Variants in SLIT2 observed in about 807,000 individuals in gnomAD.
SLIT2 encodes the protein slit guidance ligand 2.
In SLIT2, 41 loss-of-function variants were observed where a neutral mutation model predicts 185.7. The observed-to-expected ratio is 0.22, with a 90% CI of 0.17 to 0.29. SLIT2 has a LOEUF of 0.29. Ranked by LOEUF, SLIT2 falls within the 10% of genes least tolerant of loss-of-function variation. The pLI, the probability that SLIT2 is intolerant of heterozygous loss-of-function variation, is 1.00. For synonymous variants in SLIT2, 693 were observed against 680.2 expected (o/e 1.02, Z -0.29); for missense variants, 1,571 against 1,909.0 (o/e 0.82, Z 3.30).
chr4:20,328,694 G>A (rs1389911738), intron 4 of SLIT2, among the ~76,000 whole-genome samples: 1 of 152,058 alleles, frequency 6.6e-6, no homozygotes, highest in Non-Finnish European at 1.5e-5. Flanking sequence ...GCACTCCACT[G>A]TATATTGTGG....
chr4:20,571,505 G>A (rs924375329), intron 29 of SLIT2, among the ~76,000 whole-genome samples: 10 of 152,028 alleles, frequency 6.6e-5, no homozygotes, highest in African/African-American at 1.9e-4. Flanking sequence ...AACCATCTGC[G>A]GATTTTGAAA....
chr4:20,401,657 C>A (rs1726372513), intron 4 of SLIT2, among the ~76,000 whole-genome samples: 1 of 151,964 alleles, frequency 6.6e-6, no homozygotes, highest in African/African-American at 2.4e-5. Context: ...AAACTACATT[C>A]TACAACTTGA....
rs761611326 is a variant in SLIT2, at chr4:20,470,437, T to C, written c.467+2614T>C. 8.7e-4 allele frequency among the ~76,000 whole-genome samples: 132 copies of C among 151,628 alleles called. 1 individual carries two copies. The highest frequency in any genetic ancestry group is 4.0e-4 in the Non-Finnish European group (27 of 67,974). ...AACAGAAAAGTATCGCTTGAAGTTA[T>C]CAGGGAATGGTTAGATTGGAAGAGT... On this transcript the variant is annotated intron_variant, in intron 5 of 36. Transcript: ENST00000504154.
intron 29 of SLIT2, among the ~76,000 whole-genome samples, chr4:20,588,944 G>C (rs911921997): frequency 1.3e-5 from 2 of 152,124 alleles, no homozygotes; most frequent in Non-Finnish European, 2.9e-5. Flanking sequence ...AGAGGATGTG[G>C]CTCTAAGAAG....
chr4:20,386,206 A>AT (rs1724926921), intron 4 of SLIT2, among the ~76,000 whole-genome samples: 1 of 152,162 alleles, frequency 6.6e-6, no homozygotes, highest in Non-Finnish European at 1.5e-5. Flanking sequence ...GAATGATCTG[A>AT]TTTTCCCACA....
chr4:20,354,082 C>T (rs1175359966), intron 4 of SLIT2, among the ~76,000 whole-genome samples: 1 of 152,140 alleles, frequency 6.6e-6, no homozygotes, highest in Non-Finnish European at 1.5e-5. Flanking sequence ...TATCCTTTCA[C>T]AGTTTGCTAA....
chr4:20,322,040 T>C (rs1719135539), intron 4 of SLIT2, among the ~76,000 whole-genome samples: 1 of 152,174 alleles, frequency 6.6e-6, no homozygotes, highest in Non-Finnish European at 1.5e-5. Flanking sequence ...GCCAGTGCTT[T>C]AGCTAAGATA....
intron 4 of SLIT2, among the ~76,000 whole-genome samples, chr4:20,291,267 C>T (rs1030045231): frequency 1.3e-5 from 2 of 151,568 alleles, no homozygotes; most frequent in African/African-American, 2.4e-5. Context: ...TAATTCAGTG[C>T]GTTCAGTGTG....
intron 9 of SLIT2, among the ~76,000 whole-genome samples, chr4:20,505,460 C>T (rs1367695123): frequency 1.3e-5 from 2 of 151,956 alleles, no homozygotes; most frequent in East Asian, 1.9e-4. Context: ...CAAAATAACA[C>T]GATTTTAAAA....
At chr4:20,286,715 T>C (rs1577370879) in intron 4 of SLIT2, among the ~76,000 whole-genome samples, 1 of 152,112 alleles carries the variant, frequency 6.6e-6, no homozygotes, top group Non-Finnish European at 1.5e-5. Context: ...GGTGGGAGAA[T>C]CGCTTGAACC....
chr4:20,463,448 G>GATAGATAGATATATATAT (rs1459962322), intron 4 of SLIT2, among the ~76,000 whole-genome samples: 2 of 67,318 alleles, frequency 3.0e-5, no homozygotes, highest in Non-Finnish European at 5.8e-5. Context: ...CTCAAACTGT[G>GATAGATAGATATATATAT]ATATATATAT....
chr4:20,354,782 A>G (rs1722166577), intron 4 of SLIT2, among the ~76,000 whole-genome samples: 1 of 152,138 alleles, frequency 6.6e-6, no homozygotes, highest in African/African-American at 2.4e-5. Context: ...ATCTAATTAT[A>G]TATTGTCACC....
chr4:20,441,375 A>T (rs1273001483), intron 4 of SLIT2, among the ~76,000 whole-genome samples: 7 of 152,128 alleles, frequency 4.6e-5, no homozygotes. Flanking sequence ...GTTCAACTAC[A>T]CAGTTTCACT....
At chr4:20,458,797 C>T (rs1486976872) in intron 4 of SLIT2, among the ~76,000 whole-genome samples, 1 of 152,226 alleles carries the variant, frequency 6.6e-6, no homozygotes, top group East Asian at 1.9e-4. Context: ...TGTAACCTCT[C>T]CAAACCCCAG....
chr4:20,429,049 A>G (rs1318048273), intron 4 of SLIT2, among the ~76,000 whole-genome samples: 2 of 152,168 alleles, frequency 1.3e-5, no homozygotes, highest in African/African-American at 4.8e-5. Flanking sequence ...CACGTCCTCT[A>G]TGGCACAGAT....
intron 4 of SLIT2, among the ~76,000 whole-genome samples, chr4:20,392,972 C>T (rs1443483352): frequency 6.6e-6 from 1 of 151,996 alleles, no homozygotes. Context: ...ATAGTAAATA[C>T]ATACACCGTA....
chr4:20,445,595 A>G (rs1222356811), intron 4 of SLIT2, among the ~76,000 whole-genome samples: 1 of 152,208 alleles, frequency 6.6e-6, no homozygotes, highest in South Asian at 2.1e-4. Flanking sequence ...CAGAGGATCT[A>G]TTAGGGCTCC....
intron 4 of SLIT2, among the ~76,000 whole-genome samples, chr4:20,446,141 A>G (rs1711772561): frequency 6.6e-6 from 1 of 152,094 alleles, no homozygotes; most frequent in African/African-American, 2.4e-5. Context: ...CTTCGAAGAC[A>G]GTTGTCAGAT....
intron 4 of SLIT2, among the ~76,000 whole-genome samples, chr4:20,308,359 G>A (rs1717774483): frequency 6.6e-6 from 1 of 152,168 alleles, no homozygotes; most frequent in Admixed American, 6.5e-5. Context: ...TAGGTAACCT[G>A]ATGTATTAAA....
Sources: allele counts gnomAD v4.1 joint callset (sites outside exome capture counted in the v4.1 genomes callset), GRCh38; gene constraint gnomAD v4.1.1; transcripts MANE v1.5; gene names NCBI Gene and HGNC (gene_info 2026-07-23, HGNC 2026-07-21).